Variants in TRNAU1AP observed in about 807,000 individuals in gnomAD.
The protein encoded by TRNAU1AP is tRNA selenocysteine 1 associated protein 1, also known as tRNA selenocysteine 1-associated protein 1.
Under a neutral mutation model 43.3 loss-of-function variants are expected in TRNAU1AP, and 33 were observed. That is an observed-to-expected ratio of 0.76 (90% CI 0.58 to 1.02). The LOEUF is 1.02. Ranked by LOEUF, TRNAU1AP falls within the 50% of genes least tolerant of loss-of-function variation. The pLI is 0.00. For synonymous variants in TRNAU1AP, 143 were observed against 129.1 expected (o/e 1.11, Z -0.73); for missense variants, 290 against 362.7 (o/e 0.80, Z 1.63).
intron 7 of TRNAU1AP, 37 bp downstream of exon 7, chr1:28,571,375 G>A: frequency 6.2e-7 from 1 of 1,609,664 alleles, no homozygotes; most frequent in Non-Finnish European, 8.5e-7. Flanking sequence ...CCCTTGGGTT[G>A]TGTTTCTCCT....
intron 1 of TRNAU1AP, 22 bp downstream of exon 1, chr1:28,553,159 G>C (rs372417578): frequency 5.4e-5 from 81 of 1,499,580 alleles, no homozygotes; most frequent in Non-Finnish European, 6.8e-5. Flanking sequence ...CAGCCGTCCG[G>C]GGTCTGAAGA....
At chr1:28,577,141 A>C (rs1665806596) in intron 8 of TRNAU1AP, among the ~76,000 whole-genome samples, 1 of 152,150 alleles carries the variant, frequency 6.6e-6, no homozygotes, top group African/African-American at 2.4e-5. Context: ...AAGTTCTTCC[A>C]CTATGCACTT....
chr1:28,561,093 G>A, intron 3 of TRNAU1AP: 3 of 1,380,766 alleles, frequency 2.2e-6, no homozygotes, highest in East Asian at 2.8e-5. Context: ...CAAGAGAGTT[G>A]CATTCTGCTC....
chr1:28,574,079 T>C lies in TRNAU1AP; in HGVS notation c.727+2179T>C, dbSNP rs553257113. 4.7e-3 allele frequency among the ~76,000 whole-genome samples: 669 copies of C among 143,868 alleles called. 5 individuals carry two copies. The highest frequency in any genetic ancestry group is 0.027 in the South Asian group (125 of 4,594). The allele number at this position is 143,868 out of a possible 152,430, so 94.4% of individuals were successfully genotyped here. A position where few individuals can be genotyped will look rare whatever the true frequency, so the allele number is the denominator to read the frequency against. ...GGCAACATAACGAGACCCCATCTCT[T>C]TTTTTTTTTTTTTTTTTGGGAGACG... On this transcript the variant is annotated intron_variant, in intron 8 of 8. Coordinates refer to ENST00000373830, the MANE Select transcript of TRNAU1AP (RefSeq NM_017846.5).
Position 28,577,747 on chromosome 1 carries a change from G to A in TRNAU1AP, c.*111G>A. The A allele has an allele frequency of 8.2e-7, 1 of 1,218,250 alleles. No homozygotes were observed. Among genetic ancestry groups the A allele is most frequent in the South Asian group, 1.5e-5 (1 of 67,546 alleles). 75.5% of individuals were successfully genotyped at this position (1,218,250 alleles called of 1,614,324 possible). The stretch of plus-strand genomic sequence containing the variant: ...GATTTGTAAGATTTTAATAATGACT[G>A]TTTTTGGAGATCATGAATGTTTCTA... On this transcript the variant is annotated 3_prime_UTR_variant, in exon 9 of 9. Coordinates refer to ENST00000373830, the MANE Select transcript of TRNAU1AP (RefSeq NM_017846.5).
rs1335184888 is a variant in TRNAU1AP at position 28,564,665 on chromosome 1, G to A, written c.279-38G>A. 3 of 1,594,256 alleles carry A rather than the reference G, an allele frequency of 1.9e-6. No homozygotes were observed. In the East Asian group the frequency reaches 6.8e-5, roughly 36 times the overall value. ...AAGAGCTTTTCAGAGCAGAGGTTTT[G>A]GTCTTTGCCTCTGAATCTTCTTGTT... On this transcript the variant is annotated intron_variant, in intron 4 of 8. Transcript: ENST00000373830.
At chr1:28,557,245 C>T (rs1204020609) in intron 2 of TRNAU1AP, among the ~76,000 whole-genome samples, 1 of 151,400 alleles carries the variant, frequency 6.6e-6, no homozygotes, top group East Asian at 2.0e-4. Context: ...CAGTGAAACC[C>T]CGTCTCTACT....
intron 8 of TRNAU1AP, among the ~76,000 whole-genome samples, 176 bp from the exon 9 acceptor site, chr1:28,577,324 A>G (rs912729392): frequency 6.6e-6 from 1 of 152,190 alleles, no homozygotes; most frequent in Non-Finnish European, 1.5e-5. Flanking sequence ...TTCTCTAGAT[A>G]CATTATTCTA....
Position 28,577,437 on chromosome 1 carries a change from C to T in TRNAU1AP, c.728-63C>T, listed in dbSNP as rs557994711. On this transcript the variant is annotated intron_variant, in intron 8 of 8. Coordinates refer to ENST00000373830, the MANE Select transcript of TRNAU1AP (RefSeq NM_017846.5). ...AGAACAGAGTTCTGGGAGAAGGGAA[C>T]TGAACCAGGTCCCTTGCAGCTGTCC... 2.5e-6 allele frequency: 4 copies of T among 1,575,538 alleles called. No individual in the cohort carries two copies. In the East Asian group the frequency reaches 9.0e-5, roughly 35 times the overall value.
intron 5 of TRNAU1AP, 142 bp downstream of exon 5, chr1:28,564,976 T>TCCA (rs1665506379): frequency 1.0e-6 from 1 of 962,840 alleles, no homozygotes; most frequent in African/African-American, 1.6e-5. Flanking sequence ...AAATCCCAGC[T>TCCA]CCAATACAGG....
Position 28,571,245 on chromosome 1 carries a change from C to T in TRNAU1AP, c.600C>T (p.Tyr200=). The change falls in exon 7 of 9, where the codon TAC becomes TAT. Residue 200 remains tyrosine, a synonymous_variant. Transcript: ENST00000373830. ...GCTACAACCAGTATTATCAGCAGTA[C>T]CAGAACTACTATGCTCAGTGGGGCT... ...SYSYNQYYQQ[Y]QNYYAQWGYD... is the part of the protein sequence containing the mutation. The T allele has an allele frequency of 1.2e-6, 2 of 1,613,938 alleles. No homozygotes were observed. Among genetic ancestry groups the T allele is most frequent in the Non-Finnish European group, 1.7e-6 (2 of 1,179,890 alleles).
chr1:28,571,827 T>C, intron 7 of TRNAU1AP, 40 bp from the exon 8 acceptor site: 1 of 1,548,176 alleles, frequency 6.5e-7, no homozygotes, highest in Non-Finnish European at 8.8e-7. Context: ...GGGCCAGGAT[T>C]TCACCATGCC....
At chr1:28,555,210 A>T (rs982957610) in intron 2 of TRNAU1AP, among the ~76,000 whole-genome samples, 7 of 151,020 alleles carry the variant, frequency 4.6e-5, no homozygotes, top group Middle Eastern at 3.4e-3. Context: ...AGCCTGGGCA[A>T]TAAGAGCGAA....
chr1:28,561,470 G>A, intron 4 of TRNAU1AP, 72 bp downstream of exon 4: 1 of 1,583,306 alleles, frequency 6.3e-7, no homozygotes. Context: ...TAGGAGGAGG[G>A]GAGCCGGTTT....
chr1:28,573,429 A>G (rs537812264), intron 8 of TRNAU1AP, among the ~76,000 whole-genome samples: 3 of 151,516 alleles, frequency 2.0e-5, no homozygotes, highest in Admixed American at 6.6e-5. Flanking sequence ...TCATGAGGTT[A>G]AGAGATCGAG....
intron 5 of TRNAU1AP, among the ~76,000 whole-genome samples, chr1:28,566,192 G>A (rs1175349544): frequency 6.6e-6 from 1 of 151,708 alleles, no homozygotes; most frequent in Non-Finnish European, 1.5e-5. Context: ...GTGCGTGCCT[G>A]TAGTCACAGC....
At position 28,577,564 on chromosome 1, in the gene TRNAU1AP, G is replaced by C; in HGVS notation, c.792G>C (p.Leu264=). The C allele has an allele frequency of 6.2e-7, 1 of 1,614,150 alleles. No homozygotes were observed. The highest frequency in any genetic ancestry group is 8.5e-7 in the Non-Finnish European group (1 of 1,180,006). ...AGTTCATGGAACAGAGTGAGGAGCTGTATGACGCTCTGATGGACTGTCACT... is the reference window on the plus strand; with the variant it reads ...AGTTCATGGAACAGAGTGAGGAGCTCTATGACGCTCTGATGGACTGTCACT... ...NKEFMEQSEE[L]YDALMDCHWQ... The change falls in exon 9 of 9, where the codon CTG becomes CTC. Residue 264 remains leucine (L), a synonymous_variant. Transcript: ENST00000373830.
At chr1:28,554,894 A>C (rs1665224678) in intron 2 of TRNAU1AP, among the ~76,000 whole-genome samples, 1 of 151,404 alleles carries the variant, frequency 6.6e-6, no homozygotes, top group African/African-American at 2.4e-5. Context: ...CTTGAATTCG[A>C]GTCTATCCTG....
chr1:28,567,162 C>CT, intron 5 of TRNAU1AP, 132 bp from the exon 6 acceptor site: 1 of 920,158 alleles, frequency 1.1e-6, no homozygotes, highest in Non-Finnish European at 1.6e-6. Flanking sequence ...TTAATGGACT[C>CT]TCTCTTTCTC....
Sources: gnomAD v4.1 joint callset for allele counts (sites outside exome capture counted in the v4.1 genomes callset) on GRCh38, gnomAD v4.1.1 for gene constraint, MANE v1.5 for transcripts, NCBI Gene and HGNC (gene_info 2026-07-23, HGNC 2026-07-21) for gene names.